The following PLAA variants were observed in gnomAD, a reference collection of about 807,000 sequenced individuals.
PLAA encodes phospholipase A-2-activating protein.
In PLAA, 48 loss-of-function variants were observed where a neutral mutation model predicts 84.1. The ratio of observed to expected loss-of-function variants is 0.57; its 90% confidence interval spans 0.45 to 0.73. PLAA has a LOEUF of 0.73. PLAA is among the 30% of genes least tolerant of loss of function. The probability of loss-of-function intolerance (pLI) is 0.00; values close to 1 mark genes in which losing one functional copy is unlikely to be tolerated. For synonymous variants in PLAA, 392 were observed against 336.6 expected (o/e 1.16, Z -1.80); for missense variants, 903 against 954.7 (o/e 0.95, Z 0.71).
chr9:26,910,390 G>A lies in PLAA; in HGVS notation c.1605C>T (p.Phe535=). 6.2e-7 allele frequency: 1 copy of A among 1,613,316 alleles called. No individual in the cohort carries two copies. Among genetic ancestry groups the A allele is most frequent in the East Asian group, 2.2e-5 (1 of 44,756 alleles). Residue 535 remains phenylalanine (F), a synonymous_variant, in exon 12 of 14, where the codon TTC becomes TTT. Coordinates refer to ENST00000397292, the MANE Select transcript of PLAA (RefSeq NM_001031689.3). The part of the protein sequence containing the change: ...SAASKTMNIY[F]PKKEAVTFDQ... Reference sequence around the variant, plus strand: ...CAAATGTGACAGCCTCTTTTTTAGGGAAATAAATATTCATTGTTTTAGATG... The same window carrying A: ...CAAATGTGACAGCCTCTTTTTTAGGAAAATAAATATTCATTGTTTTAGATG...
chr9:26,912,678 T>C lies in PLAA; in HGVS notation c.1555+1201A>G, dbSNP rs145436373. The stretch of plus-strand genomic sequence containing the variant: ...TAAGCATTAATTTGGTAAAAAGTTA[T>C]TTACATAAATTTTATAATTTTAAGT... On this transcript the variant is annotated intron_variant, in intron 11 of 13. Transcript: ENST00000397292. Among the ~76,000 whole-genome samples, 371 of 152,282 alleles carry C rather than the reference T, an allele frequency of 2.4e-3. 2 individuals are homozygous for C. Among genetic ancestry groups the C allele is most frequent in the African/African-American group, 8.5e-3 (354 of 41,544 alleles).
At position 26,905,518 on chromosome 9, in the gene PLAA, A is replaced by G. The variant is rs1056310015; in HGVS notation, c.2381T>C (p.Leu794Ser). The G allele has an allele frequency of 3.7e-6, 6 of 1,603,432 alleles. No homozygotes were observed. In the African/African-American group the frequency reaches 8.1e-5, roughly 22 times the overall value. The change falls in exon 14 of 14, where the codon TTG becomes TCG. Residue 794 changes from leucine to serine, a missense_variant. Physicochemically the swap from Leu to Ser is moderately radical, Grantham distance 145. Transcript: ENST00000397292. ...VSECCRFILN[L>S]L ...CGTCCCTCTTCCCCACTGCTACAGC[A>G]AATTTAGGATAAATCTACAGCATTC... is the stretch of plus-strand genomic sequence containing the variant.
chr9:26,939,086 A>T (rs918028004), intron 1 of PLAA, among the ~76,000 whole-genome samples: 27 of 152,192 alleles, frequency 1.8e-4, no homozygotes, highest in African/African-American at 6.3e-4. Flanking sequence ...ATGGGGAAGG[A>T]ATTTAAACAT....
chr9:26,935,100 C>T lies in PLAA; in HGVS notation c.256G>A (p.Ala86Thr). The stretch of plus-strand genomic sequence containing the variant: ...ATATTGTGGTCATTTCCACCGGTGG[C>T]AATTAGGCCATGAGGGTAGATGTCA... ...SSDIYPHGLI[A>T]TGGNDHNICI... The change falls in exon 2 of 14, where the codon GCC (alanine) becomes ACC (threonine). Residue 86 changes from alanine (A) to threonine (T), a missense_variant. By Grantham distance (58) the Ala-to-Thr change is moderately conservative. Coordinates refer to ENST00000397292, the MANE Select transcript of PLAA (RefSeq NM_001031689.3). 6.2e-7 allele frequency: 1 copy of T among 1,610,324 alleles called. No individual in the cohort carries two copies. The highest frequency in any genetic ancestry group is 1.1e-5 in the South Asian group (1 of 90,284).
intron 6 of PLAA, among the ~76,000 whole-genome samples, chr9:26,923,587 G>A (rs1455758028): frequency 6.6e-6 from 1 of 152,146 alleles, no homozygotes; most frequent in African/African-American, 2.4e-5. Context: ...CAATTTCCAA[G>A]TTAAATATTT....
intron 2 of PLAA, among the ~76,000 whole-genome samples, chr9:26,928,726 A>G (rs1337510713): frequency 6.6e-6 from 1 of 152,252 alleles, no homozygotes; most frequent in Non-Finnish European, 1.5e-5. Context: ...GCTTTAACAA[A>G]TCATAATAGG....
At position 26,911,399 on chromosome 9, in the gene PLAA, C is replaced by T. The variant is rs577759715; in HGVS notation, c.1556-960G>A. Among the ~76,000 whole-genome samples, 3 of 152,284 alleles carry T rather than the reference C, an allele frequency of 2.0e-5. No homozygotes were observed. The East Asian group carries it at 5.8e-4, about 29-fold the overall frequency. ...AACTCCTGACCTCGTCATCCACCTG[C>T]CTTGGCCTCCCAAAGTGCTGGGATT... is the stretch of plus-strand genomic sequence containing the variant. On this transcript the variant is annotated intron_variant, in intron 11 of 13. Coordinates refer to ENST00000397292, the MANE Select transcript of PLAA (RefSeq NM_001031689.3).
chr9:26,910,762 A>G (rs1824375342), intron 11 of PLAA, among the ~76,000 whole-genome samples: 1 of 152,072 alleles, frequency 6.6e-6, no homozygotes, highest in African/African-American at 2.4e-5. Context: ...GGCTCAAGCA[A>G]TCCTCCCACC....
intron 1 of PLAA, among the ~76,000 whole-genome samples, chr9:26,940,557 T>A (rs1460345607): frequency 1.3e-5 from 2 of 152,146 alleles, no homozygotes; most frequent in Non-Finnish European, 2.9e-5. Flanking sequence ...TAAAAAGAGT[T>A]AAAAGATGGA....
chr9:26,941,815 T>C (rs1182390373), intron 1 of PLAA, among the ~76,000 whole-genome samples: 4 of 148,348 alleles, frequency 2.7e-5, no homozygotes, highest in African/African-American at 4.9e-5. Flanking sequence ...ATAAAAACAG[T>C]TCCAGAAAAA....
chr9:26,906,085 A>G lies in PLAA; in HGVS notation c.1823-9T>C. 6.9e-7 allele frequency: 1 copy of G among 1,452,704 alleles called. No homozygotes were observed. The highest frequency in any genetic ancestry group is 9.1e-7 in the Non-Finnish European group (1 of 1,097,010). 90.0% of individuals were successfully genotyped at this position (1,452,704 alleles called of 1,614,324 possible). ...TGCAGGAAAGACAATATCTATTAAA[A>G]AAAAAAAGTCATTAATGCTTATGAA... is the stretch of plus-strand genomic sequence containing the variant. On this transcript the variant is annotated splice_polypyrimidine_tract_variant and intron_variant, in intron 13 of 13. Transcript: ENST00000397292.
intron 1 of PLAA, among the ~76,000 whole-genome samples, chr9:26,943,060 G>A (rs917389048): frequency 1.3e-5 from 2 of 152,038 alleles, no homozygotes; most frequent in African/African-American, 4.8e-5. Context: ...TCAAGCATGG[G>A]TCGTTTTTCA....
intron 11 of PLAA, 96 bp from the exon 12 acceptor site, chr9:26,910,535 T>G (rs1824367924): frequency 1.2e-6 from 1 of 865,042 alleles, no homozygotes; most frequent in Non-Finnish European, 1.9e-6. Context: ...TATTGAGATA[T>G]GCAACTATTC....
At position 26,907,887 on chromosome 9, in the gene PLAA, T is replaced by A; in HGVS notation, c.1769A>T (p.Lys590Ile). Residue 590 changes from lysine (K) to isoleucine (I), a missense_variant, in exon 13 of 14, where the codon AAA becomes ATA. By Grantham distance (102) the Lys-to-Ile change is moderately radical. Coordinates refer to ENST00000397292, the MANE Select transcript of PLAA (RefSeq NM_001031689.3). ...AATCTGAAGTTGCTGGACTGTGGGT[T>A]TTTCTGAAGAACTATTACATATTAG... The part of the protein sequence containing the change: ...LSLICNSSSE[K>I]PTVQQLQILW... 2 of 1,612,100 alleles carry A rather than the reference T, an allele frequency of 1.2e-6. No homozygotes were observed. The highest frequency in any genetic ancestry group is 1.7e-6 in the Non-Finnish European group (2 of 1,179,480).
chr9:26,905,422 CTCT>C lies in PLAA; in HGVS notation c.*86_*88del, dbSNP rs1461658492. Reference sequence around the variant, plus strand: ...AAAATTTTACTTAATCCACCGTATTCTCTTTTTTTAATTATCTGTTATCAGTCA... The same window carrying C: ...AAAATTTTACTTAATCCACCGTATTCTTTTTTAATTATCTGTTATCAGTCA... On this transcript the variant is annotated 3_prime_UTR_variant, in exon 14 of 14. Transcript: ENST00000397292. 1.3e-5 allele frequency: 13 copies of C among 1,021,660 alleles called. No homozygotes were observed. Among genetic ancestry groups the C allele is most frequent in the East Asian group, 4.9e-5 (2 of 41,008 alleles). 63.3% of individuals were successfully genotyped at this position (1,021,660 alleles called of 1,614,324 possible).
chr9:26,932,236 T>C (rs1489005118), intron 2 of PLAA, among the ~76,000 whole-genome samples: 1 of 152,226 alleles, frequency 6.6e-6, no homozygotes, highest in African/African-American at 2.4e-5. Flanking sequence ...TTGTTTTGTT[T>C]TAGGTGTGAT....
chr9:26,907,155 T>A (rs62544438), intron 13 of PLAA, among the ~76,000 whole-genome samples: 2 of 150,738 alleles, frequency 1.3e-5, no homozygotes. Context: ...AAAAAAAACT[T>A]ACAGTAAATA....
chr9:26,920,150 TC>T (rs1314218247), intron 8 of PLAA, 76 bp downstream of exon 8: 6 of 1,177,304 alleles, frequency 5.1e-6, no homozygotes, highest in Non-Finnish European at 7.2e-6. Context: ...GGAAATTTTA[TC>T]ACTATGGGGC....
chr9:26,909,617 C>CT lies in PLAA; in HGVS notation c.1657+720dup, dbSNP rs367983051. Among the ~76,000 whole-genome samples the CT allele has an allele frequency of 4.6e-3, 658 of 142,246 alleles. 5 individuals are homozygous for CT. Among genetic ancestry groups the CT allele is most frequent in the African/African-American group, 0.012 (475 of 38,956 alleles). The allele number at this position is 142,246 out of a possible 152,430, so 93.3% of individuals were successfully genotyped here. A position where few individuals can be genotyped will look rare whatever the true frequency, so the allele number is the denominator to read the frequency against. On this transcript the variant is annotated intron_variant, in intron 12 of 13. Coordinates refer to ENST00000397292, the MANE Select transcript of PLAA (RefSeq NM_001031689.3). ...CAAAGTCACTAAAGCAGATTAATTT[C>CT]TTTTTTTTTTTTTTTCTCCTTGAGA...
Sources: allele counts gnomAD v4.1 joint callset (sites outside exome capture counted in the v4.1 genomes callset), GRCh38; gene constraint gnomAD v4.1.1; transcripts MANE v1.5; gene names NCBI Gene and HGNC (gene_info 2026-07-23, HGNC 2026-07-21).